The following PDGFD variants were observed in gnomAD, a reference collection of about 807,000 sequenced individuals.
PDGFD encodes the protein platelet derived growth factor D.
A neutral mutation model predicts 44.7 loss-of-function variants in PDGFD; 30 were observed. The observed-to-expected ratio is 0.67, with a 90% CI of 0.50 to 0.91. The LOEUF (loss-of-function observed/expected upper bound fraction) is 0.91. PDGFD is among the 40% of genes least tolerant of loss of function. The pLI, the probability that PDGFD is intolerant of heterozygous loss-of-function variation, is 0.00. For missense variants in PDGFD, 445 were observed against 457.8 expected, an observed-to-expected ratio of 0.97 and a Z score of 0.25; for synonymous variants, 173 against 168.4, an observed-to-expected ratio of 1.03 and a Z score of -0.21.
chr11:104,077,927 G>A (rs1860989209), intron 1 of PDGFD, among the ~76,000 whole-genome samples: 1 of 152,126 alleles, frequency 6.6e-6, no homozygotes, highest in Admixed American at 6.5e-5. Flanking sequence ...ACAGACCTCA[G>A]CAGGTGAGCT....
intron 1 of PDGFD, among the ~76,000 whole-genome samples, chr11:104,152,944 T>G (rs1862264543): frequency 6.6e-6 from 1 of 152,146 alleles, no homozygotes; most frequent in Admixed American, 6.5e-5. Flanking sequence ...TTTTAAAAAC[T>G]TTATAATATA....
intron 1 of PDGFD, among the ~76,000 whole-genome samples, chr11:104,088,016 A>G (rs1273301902): frequency 6.6e-6 from 1 of 152,214 alleles, no homozygotes; most frequent in Non-Finnish European, 1.5e-5. Context: ...AGGAAGCTGA[A>G]GGCTTTATAT....
chr11:104,120,005 T>G (rs1485503382), intron 1 of PDGFD, among the ~76,000 whole-genome samples: 7 of 144,078 alleles, frequency 4.9e-5, no homozygotes, highest in Non-Finnish European at 1.1e-4. Context: ...ATTAATATAT[T>G]AATATTATCT....
intron 1 of PDGFD, among the ~76,000 whole-genome samples, chr11:104,127,592 T>A (rs985980330): frequency 6.6e-6 from 1 of 152,176 alleles, no homozygotes; most frequent in African/African-American, 2.4e-5. Context: ...CAGTCCTGAT[T>A]CAATGCATAC....
intron 6 of PDGFD, among the ~76,000 whole-genome samples, chr11:103,926,233 G>A (rs531551846): frequency 5.8e-4 from 89 of 152,240 alleles, no homozygotes; most frequent in African/African-American, 2.1e-3. Context: ...TATTGTTGAT[G>A]GGGTGCTAAA....
At chr11:103,987,765 C>A (rs555310430) in intron 3 of PDGFD, among the ~76,000 whole-genome samples, 3 of 152,310 alleles carry the variant, frequency 2.0e-5, no homozygotes, top group Admixed American at 2.0e-4. Context: ...TGAATTAACT[C>A]ATCAGGATAC....
chr11:103,938,939 G>A (rs1028212501), intron 5 of PDGFD, among the ~76,000 whole-genome samples: 8 of 152,320 alleles, frequency 5.3e-5, no homozygotes, highest in African/African-American at 1.9e-4. Flanking sequence ...CCAGTACCAT[G>A]TTGTTTTGGT....
At chr11:104,042,507 C>G (rs754630391) in intron 1 of PDGFD, among the ~76,000 whole-genome samples, 13 of 152,192 alleles carry the variant, frequency 8.5e-5, no homozygotes, top group Non-Finnish European at 1.8e-4. Context: ...ATTGCTTTTT[C>G]TTATTGAGAA....
At chr11:103,975,446 G>A (rs1859169369) in intron 3 of PDGFD, among the ~76,000 whole-genome samples, 1 of 152,076 alleles carries the variant, frequency 6.6e-6, no homozygotes, top group Non-Finnish European at 1.5e-5. Context: ...TAGGTTGCCT[G>A]TTCACTCTGA....
intron 3 of PDGFD, among the ~76,000 whole-genome samples, chr11:103,959,869 T>C (rs908120823): frequency 1.3e-5 from 2 of 152,170 alleles, no homozygotes; most frequent in Admixed American, 6.5e-5. Context: ...GAGGATCATT[T>C]TGGAATAGGA....
At chr11:103,911,275 T>G (rs1858025321) in intron 6 of PDGFD, among the ~76,000 whole-genome samples, 1 of 151,630 alleles carries the variant, frequency 6.6e-6, no homozygotes, top group South Asian at 2.1e-4. Flanking sequence ...CTGACCCCCA[T>G]GTATCCTGAC....
intron 1 of PDGFD, among the ~76,000 whole-genome samples, chr11:104,102,628 C>T (rs1238898502): frequency 1.3e-5 from 2 of 152,092 alleles, no homozygotes; most frequent in African/African-American, 4.8e-5. Flanking sequence ...CACATGCACA[C>T]GTATGTTTAT....
chr11:103,927,232 A>G, intron 5 of PDGFD, 106 bp from the exon 6 acceptor site: 1 of 990,366 alleles, frequency 1.0e-6, no homozygotes, highest in Non-Finnish European at 1.5e-6. Flanking sequence ...GACAACTTTA[A>G]TCCTGGGATT....
At chr11:104,001,513 G>T (rs1265254834) in intron 1 of PDGFD, among the ~76,000 whole-genome samples, 1 of 152,202 alleles carries the variant, frequency 6.6e-6, no homozygotes, top group African/African-American at 2.4e-5. Flanking sequence ...CAAGTGAGCT[G>T]GGGTCCCCCA....
chr11:104,161,950 AGTGTGT>A (rs3050634), intron 1 of PDGFD, among the ~76,000 whole-genome samples: 61 of 148,904 alleles, frequency 4.1e-4, no homozygotes, highest in Non-Finnish European at 7.6e-4. Context: ...AATCAAAGAG[AGTGTGT>A]GTGTGTGTGT....
At chr11:103,980,223 A>C (rs76664859) in intron 3 of PDGFD, among the ~76,000 whole-genome samples, 2,451 of 152,178 alleles carry the variant, frequency 0.016, 60 homozygotes, top group African/African-American at 0.053. Context: ...AAATGCCAGA[A>C]AATCATACGG....
At chr11:104,050,610 T>C (rs1163569268) in intron 1 of PDGFD, among the ~76,000 whole-genome samples, 1 of 152,150 alleles carries the variant, frequency 6.6e-6, no homozygotes, top group African/African-American at 2.4e-5. Context: ...TCAAGTAAAG[T>C]GATAACGTGT....
rs78068065 is a variant in PDGFD at position 103,962,068 on chromosome 11, A to G, written c.511-14344T>C. 2.1e-3 allele frequency among the ~76,000 whole-genome samples: 320 copies of G among 152,288 alleles called. 2 individuals are homozygous for G. The highest frequency in any genetic ancestry group is 3.5e-3 in the Non-Finnish European group (239 of 68,004). On this transcript the variant is annotated intron_variant, in intron 3 of 6. Coordinates refer to ENST00000393158, the MANE Select transcript of PDGFD (RefSeq NM_025208.5). The stretch of plus-strand genomic sequence containing the variant: ...CTAGGAAACCAACAAGAAACAACAG[A>G]TAGCTATTCAGGGAAATGAGGGTGG...
At chr11:104,081,320 G>T (rs1287771993) in intron 1 of PDGFD, among the ~76,000 whole-genome samples, 1 of 152,160 alleles carries the variant, frequency 6.6e-6, no homozygotes, top group African/African-American at 2.4e-5. Flanking sequence ...AAAAGAAGCT[G>T]ATAGAGTTGC....
Sources: gnomAD v4.1 joint callset for allele counts (sites outside exome capture counted in the v4.1 genomes callset) on GRCh38, gnomAD v4.1.1 for gene constraint, MANE v1.5 for transcripts, NCBI Gene and HGNC (gene_info 2026-07-23, HGNC 2026-07-21) for gene names.